Variants in ATP7B observed in about 807,000 individuals in gnomAD.
ATP7B encodes the protein copper-transporting ATPase 2.
Under a neutral mutation model 118.9 loss-of-function variants are expected in ATP7B, and 113 were observed. The observed-to-expected ratio is 0.95, with a 90% CI of 0.82 to 1.11. The LOEUF (loss-of-function observed/expected upper bound fraction) is 1.11, where lower values mean the gene tolerates loss of function less well. Among genes scored for constraint, ATP7B ranks in the 50% most tolerant of loss-of-function variants. The probability of loss-of-function intolerance (pLI) is 0.00; values close to 1 mark genes in which losing one functional copy is unlikely to be tolerated. For synonymous variants in ATP7B, 777 were observed against 727.4 expected (o/e 1.07, Z -1.10); for missense variants, 1,867 against 1,871.4 (o/e 1.00, Z 0.04).
chr13:52,000,564 A>G (rs1953443368), intron 1 of ATP7B, among the ~76,000 whole-genome samples: 1 of 152,176 alleles, frequency 6.6e-6, no homozygotes, highest in Non-Finnish European at 1.5e-5. Context: ...ATGCCTCATC[A>G]CCATCTCCTC....
At chr13:51,963,986 G>C (rs1015952148) in intron 5 of ATP7B, among the ~76,000 whole-genome samples, 1 of 152,068 alleles carries the variant, frequency 6.6e-6, no homozygotes, top group Admixed American at 6.6e-5. Context: ...GGGAGGCGGA[G>C]GTTGCAGTGA....
In ATP7B at chr13:51,950,447, C is replaced by T. The variant is rs1957928081; in HGVS notation, c.2448-48G>A. 1.9e-6 allele frequency: 3 copies of T among 1,611,474 alleles called. No homozygotes were observed. In the East Asian group the frequency reaches 6.7e-5, roughly 36 times the overall value. ...CTCACATGGCCACTCATTCGGTCAC[C>T]GGGTCAGGTTCTAGGCCAGCTGTTA... is the stretch of plus-strand genomic sequence containing the variant. On this transcript the variant is annotated intron_variant, in intron 9 of 20. Transcript: ENST00000242839.
At position 51,974,509 on chromosome 13, in the gene ATP7B, A is replaced by G. The variant is rs2140092188; in HGVS notation, c.711T>C (p.Ser237=). Residue 237 remains serine (S), a synonymous_variant, in exon 2 of 21, where the codon TCT becomes TCC. Transcript: ENST00000242839. ...AATTATTAAAATTCTGGTTAGCAGA[A>G]GATAAAGGTCTCTTTGGGTTAGTGC... The part of the protein sequence containing the change: ...LQSTNPKRPL[S]SANQNFNNSE... The G allele has an allele frequency of 1.2e-6, 2 of 1,614,202 alleles. No individual in the cohort carries two copies. Among genetic ancestry groups the G allele is most frequent in the East Asian group, 4.5e-5 (2 of 44,888 alleles).
chr13:51,997,804 T>C (rs1012644683), intron 1 of ATP7B, among the ~76,000 whole-genome samples: 1 of 152,086 alleles, frequency 6.6e-6, no homozygotes, highest in African/African-American at 2.4e-5. Flanking sequence ...TGACAAAAAG[T>C]GGGGGCCTGA....
At chr13:51,972,288 C>T (rs1051417713) in intron 2 of ATP7B, among the ~76,000 whole-genome samples, 2 of 152,206 alleles carry the variant, frequency 1.3e-5, no homozygotes, top group African/African-American at 4.8e-5. Flanking sequence ...CGCGAAGATA[C>T]GATTCAGACC....
At chr13:51,947,118 G>GC (rs1200142192) in intron 12 of ATP7B, among the ~76,000 whole-genome samples, 3 of 152,164 alleles carry the variant, frequency 2.0e-5, no homozygotes, top group Non-Finnish European at 2.9e-5. Context: ...GGGATACGAG[G>GC]CAACTATTGG....
intron 1 of ATP7B, among the ~76,000 whole-genome samples, chr13:51,990,253 C>T (rs1952845100): frequency 6.6e-6 from 1 of 152,038 alleles, no homozygotes; most frequent in African/African-American, 2.4e-5. Context: ...AGTATTACTG[C>T]TTTTGTCCTA....
chr13:51,995,256 T>C (rs2140425762), intron 1 of ATP7B: 3 of 973,224 alleles, frequency 3.1e-6, no homozygotes, highest in Non-Finnish European at 3.7e-6. Flanking sequence ...GAAACCTCCA[T>C]CTTTAAAATG....
intron 14 of ATP7B, 117 bp from the exon 15 acceptor site, chr13:51,942,671 G>A: frequency 7.9e-7 from 1 of 1,273,796 alleles, no homozygotes; most frequent in Non-Finnish European, 1.1e-6. Flanking sequence ...GCGGAAAGCG[G>A]GAACTGAGAG....
chr13:51,971,268 A>G (rs1413205789), intron 2 of ATP7B, among the ~76,000 whole-genome samples: 1 of 152,214 alleles, frequency 6.6e-6, no homozygotes, highest in African/African-American at 2.4e-5. Context: ...ACAACAAATA[A>G]TTTTTACTAT....
chr13:51,954,911 AAGAC>A (rs1456873740), intron 9 of ATP7B, among the ~76,000 whole-genome samples: 1 of 152,208 alleles, frequency 6.6e-6, no homozygotes, highest in Non-Finnish European at 1.5e-5. Flanking sequence ...GTAACACACA[AAGAC>A]AGAGGCAGTA....
At chr13:52,001,870 A>C (rs896636063) in intron 1 of ATP7B, among the ~76,000 whole-genome samples, 4 of 152,058 alleles carry the variant, frequency 2.6e-5, no homozygotes, top group African/African-American at 9.7e-5. Context: ...GGCTCACTGC[A>C]GCCTCCGCCT....
At chr13:51,954,754 C>T (rs1958228741) in intron 9 of ATP7B, among the ~76,000 whole-genome samples, 1 of 152,222 alleles carries the variant, frequency 6.6e-6, no homozygotes, top group South Asian at 2.1e-4. Context: ...AGAATACAGA[C>T]AGGCCGAGTC....
chr13:51,960,148 C>G lies in ATP7B; in HGVS notation c.2121G>C (p.Gln707His). The G allele has an allele frequency of 1.2e-6, 2 of 1,613,742 alleles. No individual in the cohort carries two copies. Among genetic ancestry groups the G allele is most frequent in the Non-Finnish European group, 1.7e-6 (2 of 1,179,632 alleles). ...GGTCTGCCCACTTTCTCATATATACCTGGACAAAGGTACACAAGATAAAGA... is the reference window on the plus strand; with the variant it reads ...GGTCTGCCCACTTTCTCATATATACGTGGACAAAGGTACACAAGATAAAGA... ...LIFFILCTFV[Q>H]LLGGWYFYVQ... is the part of the protein sequence containing the mutation. The change falls in exon 7 of 21, where the codon CAG becomes CAC. Residue 707 changes from glutamine (Q) to histidine (H), a missense_variant and splice_region_variant. Transcript: ENST00000242839.
chr13:52,010,242 T>C (rs916473089), intron 1 of ATP7B, among the ~76,000 whole-genome samples: 4 of 152,182 alleles, frequency 2.6e-5, no homozygotes, highest in Non-Finnish European at 4.4e-5. Flanking sequence ...CACTAATCCG[T>C]TAGTTTTCAT....
rs182052297 is a variant in ATP7B at position 52,009,352 on chromosome 13, T to G, written c.51+1935A>C. On this transcript the variant is annotated intron_variant, in intron 1 of 20. Transcript: ENST00000242839. ...TGGATCTGGGTGAGATTAGCTGAAT[T>G]TGGCACCTTCAAGGTCTGAAACATT... 2.4e-3 allele frequency among the ~76,000 whole-genome samples: 368 copies of G among 152,288 alleles called. 2 individuals are homozygous for G. The highest frequency in any genetic ancestry group is 8.4e-3 in the African/African-American group (347 of 41,556).
At chr13:52,004,844 T>C (rs1953692769) in intron 1 of ATP7B, among the ~76,000 whole-genome samples, 1 of 151,930 alleles carries the variant, frequency 6.6e-6, no homozygotes, top group Admixed American at 6.6e-5. Flanking sequence ...GGGCCCCGGG[T>C]TCTCCAAGAC....
chr13:51,934,820 G>C lies in ATP7B; in HGVS notation c.4334C>G (p.Ala1445Gly). 1 of 1,614,176 alleles carries C rather than the reference G, an allele frequency of 6.2e-7. No individual in the cohort carries two copies. Among genetic ancestry groups the C allele is most frequent in the Non-Finnish European group, 8.5e-7 (1 of 1,180,048 alleles). ...SDKPSRHSAA[A>G]DDDGDKWSLL... is the part of the protein sequence containing the mutation. ...AGACCACTTGTCCCCATCATCGTCT[G>C]CTGCAGCGCTGTGCCGAGATGGCTT... is the stretch of plus-strand genomic sequence containing the variant. Residue 1445 changes from alanine (A) to glycine (G), a missense_variant, in exon 21 of 21, where the codon GCA becomes GGA. Ala to Gly is a moderately conservative substitution (Grantham distance 60, BLOSUM62 0). Coordinates refer to ENST00000242839, the MANE Select transcript of ATP7B (RefSeq NM_000053.4).
chr13:51,992,028 T>C (rs929797528), intron 1 of ATP7B, among the ~76,000 whole-genome samples: 1 of 151,910 alleles, frequency 6.6e-6, no homozygotes, highest in African/African-American at 2.4e-5. Flanking sequence ...CTTTTTCCCC[T>C]CTCTGCCTGT....
Sources: allele counts gnomAD v4.1 joint callset (sites outside exome capture counted in the v4.1 genomes callset), GRCh38; gene constraint gnomAD v4.1.1; transcripts MANE v1.5; gene names NCBI Gene and HGNC (gene_info 2026-07-23, HGNC 2026-07-21).